ATP8A1: variants seen among roughly 807,000 people sequenced by gnomAD.
The protein encoded by ATP8A1 is ATPase phospholipid transporting 8A1.
In ATP8A1, 90 loss-of-function variants were observed where a neutral mutation model predicts 177.7. The observed-to-expected ratio is 0.51, with a 90% CI of 0.43 to 0.60. ATP8A1 has a LOEUF of 0.60. Among genes scored for constraint, ATP8A1 ranks in the 20% least tolerant of loss-of-function variants. The probability of loss-of-function intolerance (pLI) is 0.00; values close to 1 mark genes in which losing one functional copy is unlikely to be tolerated. For missense variants in ATP8A1, 1,072 were observed against 1,392.8 expected (o/e 0.77, Z 3.67); for synonymous variants, 493 against 485.9 (o/e 1.01, Z -0.19).
intron 18 of ATP8A1, among the ~76,000 whole-genome samples, chr4:42,550,002 C>A (rs1437613896): frequency 6.6e-6 from 1 of 152,080 alleles, no homozygotes; most frequent in African/African-American, 2.4e-5. Context: ...GAAAATTGTG[C>A]AGTGTGGTAA....
intron 1 of ATP8A1, among the ~76,000 whole-genome samples, chr4:42,636,117 AAT>A (rs1560546375): frequency 7.3e-5 from 7 of 95,592 alleles, no homozygotes; most frequent in Admixed American, 2.2e-4. Context: ...CAATGGGCTT[AAT>A]ACACACACAC....
At chr4:42,548,805 C>G (rs553740577) in intron 19 of ATP8A1, among the ~76,000 whole-genome samples, 1 of 152,160 alleles carries the variant, frequency 6.6e-6, no homozygotes, top group African/African-American at 2.4e-5. Flanking sequence ...CCAGTAGTCA[C>G]GCATTGCAAT....
At chr4:42,635,808 TATAC>T (rs536075253) in intron 1 of ATP8A1, among the ~76,000 whole-genome samples, 2,938 of 113,924 alleles carry the variant, frequency 0.026, 232 homozygotes, top group African/African-American at 0.11. Flanking sequence ...TATATATATA[TATAC>T]ACATGTATGT....
chr4:42,466,662 A>G (rs779994675), intron 25 of ATP8A1, among the ~76,000 whole-genome samples: 5 of 152,214 alleles, frequency 3.3e-5, no homozygotes, highest in Non-Finnish European at 7.3e-5. Flanking sequence ...ATTTCCTTTT[A>G]CAGTCTGGCA....
Position 42,594,243 on chromosome 4 carries a change from G to C in ATP8A1, c.451-3359C>G, listed in dbSNP as rs531398657. ...GAAATCACAAGGTCAATGCAGGGTAGAGAAACCATCCTCTACACTGTTTGA... is the reference window on the plus strand; with the variant it reads ...GAAATCACAAGGTCAATGCAGGGTACAGAAACCATCCTCTACACTGTTTGA... On this transcript the variant is annotated intron_variant, in intron 6 of 36. Coordinates refer to ENST00000381668, the MANE Select transcript of ATP8A1 (RefSeq NM_006095.2). 5 of 1,164,718 alleles carry C rather than the reference G, an allele frequency of 4.3e-6. No individual in the cohort carries two copies. The East Asian group carries it at 9.6e-5, about 22-fold the overall frequency. The allele number at this position is 1,164,718 out of a possible 1,614,324, so 72.1% of individuals were successfully genotyped here.
chr4:42,508,198 T>C (rs1171223820), intron 22 of ATP8A1, among the ~76,000 whole-genome samples: 3 of 152,168 alleles, frequency 2.0e-5, no homozygotes, highest in Admixed American at 1.3e-4. Flanking sequence ...AGTGGTGCCA[T>C]CTTGGCTCAC....
At chr4:42,524,063 G>T (rs1348906690) in intron 21 of ATP8A1, among the ~76,000 whole-genome samples, 1 of 152,106 alleles carries the variant, frequency 6.6e-6, no homozygotes, top group South Asian at 2.1e-4. Context: ...TGTTAAGTAC[G>T]AGATAAGACT....
At chr4:42,520,487 T>G (rs78762740) in intron 22 of ATP8A1, among the ~76,000 whole-genome samples, 6,736 of 152,240 alleles carry the variant, frequency 0.044, 197 homozygotes, top group Non-Finnish European at 0.063. Context: ...ATTATTTTAT[T>G]TTACTACATA....
intron 30 of ATP8A1, among the ~76,000 whole-genome samples, 154 bp from the exon 31 acceptor site, chr4:42,446,798 C>T (rs905793427): frequency 6.6e-6 from 1 of 151,270 alleles, no homozygotes; most frequent in Non-Finnish European, 1.5e-5. Context: ...CCCAAACACT[C>T]TTGAGTGCTA....
chr4:42,550,649 T>C (rs890636726), intron 18 of ATP8A1, among the ~76,000 whole-genome samples: 1 of 152,144 alleles, frequency 6.6e-6, no homozygotes, highest in Non-Finnish European at 1.5e-5. Context: ...AAAGAAAAAG[T>C]GGCCAGGTGC....
chr4:42,460,976 G>C (rs958398434), intron 27 of ATP8A1, among the ~76,000 whole-genome samples: 2 of 152,162 alleles, frequency 1.3e-5, no homozygotes, highest in African/African-American at 4.8e-5. Context: ...TATTTATCAT[G>C]CCTTGATTAA....
intron 30 of ATP8A1, 88 bp downstream of exon 30, chr4:42,451,893 G>T: frequency 1.1e-6 from 1 of 943,704 alleles, no homozygotes; most frequent in Non-Finnish European, 1.6e-6. Context: ...CAATGAAACT[G>T]CTATACTTTT....
intron 33 of ATP8A1, among the ~76,000 whole-genome samples, chr4:42,429,273 G>A (rs1248165743): frequency 6.6e-6 from 1 of 152,126 alleles, no homozygotes; most frequent in Non-Finnish European, 1.5e-5. Flanking sequence ...GAAGGTTGAC[G>A]AGTGTGCATT....
At chr4:42,425,518 A>G (rs1714494547) in intron 33 of ATP8A1, among the ~76,000 whole-genome samples, 1 of 152,174 alleles carries the variant, frequency 6.6e-6, no homozygotes, top group Non-Finnish European at 1.5e-5. Flanking sequence ...TAAAGCCGAC[A>G]TTCGCATTAA....
intron 5 of ATP8A1, among the ~76,000 whole-genome samples, chr4:42,611,258 A>AC (rs11376728): frequency 3.3e-5 from 5 of 152,170 alleles, no homozygotes; most frequent in Admixed American, 6.5e-5. Flanking sequence ...GAAGGAAGAT[A>AC]AGGTGAATAT....
chr4:42,561,183 C>T (rs1730784621), intron 15 of ATP8A1, among the ~76,000 whole-genome samples: 1 of 152,190 alleles, frequency 6.6e-6, no homozygotes, highest in Non-Finnish European at 1.5e-5. Flanking sequence ...GCTTTTTATC[C>T]AGCGTGTGCA....
At chr4:42,413,720 T>C (rs77117942) in intron 36 of ATP8A1, among the ~76,000 whole-genome samples, 18,616 of 152,134 alleles carry the variant, frequency 0.12, 1,213 homozygotes, top group Middle Eastern at 0.18. Context: ...AATTTTTTTT[T>C]CCCCCTTGAA....
chr4:42,639,474 C>T (rs558215595), intron 1 of ATP8A1, among the ~76,000 whole-genome samples: 8 of 152,154 alleles, frequency 5.3e-5, no homozygotes, highest in East Asian at 3.9e-4. Flanking sequence ...TTGCTTCAAT[C>T]GTCTATCAAG....
chr4:42,568,536 T>C (rs2109311458), intron 15 of ATP8A1, among the ~76,000 whole-genome samples: 1 of 152,274 alleles, frequency 6.6e-6, no homozygotes, highest in East Asian at 1.9e-4. Context: ...GGGAGGAATT[T>C]TAAGGTAAAA....
Sources: allele counts gnomAD v4.1 joint callset (sites outside exome capture counted in the v4.1 genomes callset), GRCh38; gene constraint gnomAD v4.1.1; transcripts MANE v1.5; gene names NCBI Gene and HGNC (gene_info 2026-07-23, HGNC 2026-07-21).